GALNT14: variants seen among roughly 807,000 people sequenced by gnomAD.
GALNT14 encodes polypeptide N-acetylgalactosaminyltransferase 14.
A neutral mutation model predicts 77.5 loss-of-function variants in GALNT14; 60 were observed. The ratio of observed to expected loss-of-function variants is 0.77; its 90% CI spans 0.63 to 0.96. The LOEUF (loss-of-function observed/expected upper bound fraction) is 0.96. Among genes scored for constraint, GALNT14 ranks in the 40% least tolerant of loss-of-function variants. The pLI is 0.00. For missense variants in GALNT14, 710 were observed against 731.0 expected, an observed-to-expected ratio of 0.97 and a Z score of 0.33; for synonymous variants, 280 against 281.7, an observed-to-expected ratio of 0.99 and a Z score of 0.06.
At chr2:31,059,557 AGAGCT>A (rs1674455005) in intron 1 of GALNT14, among the ~76,000 whole-genome samples, 1 of 152,140 alleles carries the variant, frequency 6.6e-6, no homozygotes, top group South Asian at 2.1e-4. Flanking sequence ...GAGGCCCAAG[AGAGCT>A]GGGCATGGTG....
intron 1 of GALNT14, among the ~76,000 whole-genome samples, chr2:31,076,452 C>T (rs1035059436): frequency 6.6e-6 from 1 of 152,038 alleles, no homozygotes; most frequent in African/African-American, 2.4e-5. Context: ...TCTGGAGATC[C>T]CTTTTCTGTG....
intron 7 of GALNT14, among the ~76,000 whole-genome samples, chr2:30,945,197 C>T (rs886194570): frequency 6.6e-6 from 1 of 152,180 alleles, no homozygotes; most frequent in African/African-American, 2.4e-5. Flanking sequence ...AAATAAAGGG[C>T]AGAGGATAAA....
intron 1 of GALNT14, among the ~76,000 whole-genome samples, chr2:31,060,332 A>G (rs1314375332): frequency 6.6e-6 from 1 of 152,180 alleles, no homozygotes; most frequent in Non-Finnish European, 1.5e-5. Context: ...AGATCCCTGG[A>G]CACACACAAG....
chr2:31,066,054 C>T (rs1674932684), intron 1 of GALNT14, among the ~76,000 whole-genome samples: 3 of 152,330 alleles, frequency 2.0e-5, no homozygotes, highest in South Asian at 2.1e-4. Context: ...CTTACCTCGC[C>T]TACAGGGCTG....
intron 13 of GALNT14, among the ~76,000 whole-genome samples, chr2:30,923,056 CTTTTTTTTTTTTTT>C (rs56163710): frequency 0.033 from 3,863 of 116,616 alleles, 219 homozygotes; most frequent in African/African-American, 0.12. Flanking sequence ...ACAAACGTGC[CTTTTTTTTTTTTTT>C]TTTTTTTTTG....
At chr2:30,930,055 T>A (rs1434606210) in intron 10 of GALNT14, among the ~76,000 whole-genome samples, 2 of 152,202 alleles carry the variant, frequency 1.3e-5, no homozygotes, top group Admixed American at 1.3e-4. Context: ...ATTTTTGGAT[T>A]AGGGATGCTC....
intron 1 of GALNT14, among the ~76,000 whole-genome samples, chr2:31,059,404 C>T (rs1403030287): frequency 1.3e-5 from 2 of 152,136 alleles, no homozygotes; most frequent in African/African-American, 4.8e-5. Context: ...AAATATATGG[C>T]TAATGAACAC....
chr2:30,936,290 G>T (rs1431400463), intron 9 of GALNT14, among the ~76,000 whole-genome samples: 1 of 152,038 alleles, frequency 6.6e-6, no homozygotes, highest in African/African-American at 2.4e-5. Flanking sequence ...GCCCATGGAT[G>T]GTGGGCAGGA....
rs1187234437 is a variant in GALNT14, at chr2:31,038,307, T to G, written c.130-45300A>C. On this transcript the variant is annotated intron_variant, in intron 1 of 14. Transcript: ENST00000349752. ...CAGGGTTTCGCAATGTTGGCCAGGC[T>G]GGTCTCAAATGCCTGACCTCCAGTA... Among the ~76,000 whole-genome samples the G allele has an allele frequency of 2.0e-5, 3 of 151,778 alleles. No individual in the cohort carries two copies. In the East Asian group the frequency reaches 5.9e-4, roughly 30 times the overall value.
intron 9 of GALNT14, among the ~76,000 whole-genome samples, chr2:30,937,352 A>G (rs1329899246): frequency 6.6e-6 from 1 of 152,116 alleles, no homozygotes; most frequent in African/African-American, 2.4e-5. Flanking sequence ...AATCCCCACA[A>G]ACTTAGTGGG....
intron 1 of GALNT14, among the ~76,000 whole-genome samples, chr2:31,083,949 G>A (rs556281983): frequency 3.3e-5 from 5 of 152,282 alleles, no homozygotes; most frequent in East Asian, 3.9e-4. Flanking sequence ...GTGAGCTGCC[G>A]GGGATCTCGC....
chr2:31,047,187 C>G (rs1471716741), intron 1 of GALNT14, among the ~76,000 whole-genome samples: 1 of 152,158 alleles, frequency 6.6e-6, no homozygotes, highest in African/African-American at 2.4e-5. Context: ...TGGTTGAGAA[C>G]AGGGGCTCCA....
chr2:30,974,782 C>T (rs769341216), intron 2 of GALNT14, among the ~76,000 whole-genome samples: 3 of 152,144 alleles, frequency 2.0e-5, no homozygotes, highest in Non-Finnish European at 4.4e-5. Flanking sequence ...TCTCCTCTAC[C>T]GACTGTTGCT....
chr2:30,910,769 TGGGGGGCTCTGCCTCCACCTCCCAGTCCA>T lies in GALNT14; in HGVS notation c.*103_*131del. The T allele has an allele frequency of 1.1e-6, 1 of 920,194 alleles. No homozygotes were observed. Among genetic ancestry groups the T allele is most frequent in the Non-Finnish European group, 1.6e-6 (1 of 616,028 alleles). 57.0% of individuals were successfully genotyped at this position (920,194 alleles called of 1,614,324 possible). A position where few individuals can be genotyped will look rare whatever the true frequency, so the allele number is the denominator to read the frequency against. ...CTCCCTGAGACAGTTGCTCCTGTCCTGGGGGGCTCTGCCTCCACCTCCCAGTCCAGGATGTCTGAGGTGGTTGCAGGCTG... is the reference window on the plus strand; with the variant it reads ...CTCCCTGAGACAGTTGCTCCTGTCCTGGATGTCTGAGGTGGTTGCAGGCTG... On this transcript the variant is annotated 3_prime_UTR_variant, in exon 15 of 15. Transcript: ENST00000349752.
intron 2 of GALNT14, among the ~76,000 whole-genome samples, chr2:30,981,848 A>T (rs1304962541): frequency 6.6e-6 from 1 of 152,160 alleles, no homozygotes; most frequent in Non-Finnish European, 1.5e-5. Context: ...GGAAACAGAC[A>T]CCCAGGGAGC....
At chr2:31,125,706 T>C (rs1467063091) in intron 1 of GALNT14, among the ~76,000 whole-genome samples, 1 of 152,230 alleles carries the variant, frequency 6.6e-6, no homozygotes, top group Non-Finnish European at 1.5e-5. Flanking sequence ...TAATTAGCAG[T>C]CAATCCAATA....
chr2:31,062,438 C>T (rs745864553), intron 1 of GALNT14, among the ~76,000 whole-genome samples: 6 of 152,186 alleles, frequency 3.9e-5, no homozygotes, highest in Non-Finnish European at 7.3e-5. Flanking sequence ...ATATGTGCCA[C>T]ATTTTCTTTA....
At chr2:31,117,013 G>A (rs1558579331) in intron 1 of GALNT14, among the ~76,000 whole-genome samples, 1 of 151,856 alleles carries the variant, frequency 6.6e-6, no homozygotes, top group Middle Eastern at 3.4e-3. Context: ...CTCCAGCCTG[G>A]GCAACAAGAG....
At chr2:30,911,128 G>T in intron 14 of GALNT14, 69 bp from the exon 15 acceptor site, 1 of 1,485,214 alleles carries the variant, frequency 6.7e-7, no homozygotes, top group Non-Finnish European at 9.3e-7. Context: ...AGCTTTATCA[G>T]AAAGGTAGGT....
Sources: gnomAD v4.1 joint callset for allele counts (sites outside exome capture counted in the v4.1 genomes callset) on GRCh38, gnomAD v4.1.1 for gene constraint, MANE v1.5 for transcripts, NCBI Gene and HGNC (gene_info 2026-07-23, HGNC 2026-07-21) for gene names.